The following ADAMTSL1 variants were observed in gnomAD, a reference collection of about 807,000 sequenced individuals.
The protein encoded by ADAMTSL1 is ADAMTS like 1, also known as ADAMTS-like protein 1.
A neutral mutation model predicts 201.8 loss-of-function variants in ADAMTSL1; 126 were observed. The ratio of observed to expected loss-of-function variants is 0.62; its 90% CI spans 0.54 to 0.72. ADAMTSL1 has a LOEUF of 0.72. ADAMTSL1 is among the 30% of genes least tolerant of loss of function. The probability of loss-of-function intolerance (pLI) is 0.00; values close to 1 mark genes in which losing one functional copy is unlikely to be tolerated. For synonymous variants in ADAMTSL1, 1,121 were observed against 903.4 expected, an observed-to-expected ratio of 1.24 and a Z score of -4.32; for missense variants, 2,679 against 2,277.8, an observed-to-expected ratio of 1.18 and a Z score of -3.59.
chr9:18,463,431 A>C (rs1475838059), intron 2 of ADAMTSL1, among the ~76,000 whole-genome samples: 1 of 152,210 alleles, frequency 6.6e-6, no homozygotes, highest in Non-Finnish European at 1.5e-5. Flanking sequence ...GGTGTATAGT[A>C]CTGTGGCATT....
At chr9:18,612,195 A>G (rs1825421103) in intron 4 of ADAMTSL1, among the ~76,000 whole-genome samples, 1 of 152,232 alleles carries the variant, frequency 6.6e-6, no homozygotes, top group African/African-American at 2.4e-5. Context: ...GTGAAGGACC[A>G]GAGACATAGC....
At position 18,818,789 on chromosome 9, in the gene ADAMTSL1, CA is replaced by C. The variant is rs1425734756; in HGVS notation, c.3934+1563del. Reference sequence around the variant, plus strand: ...TGGGTGACAGAGCGAGACCCTATCTCAAAAAAAAAAATTAGGATATCTGAAA... The same window carrying C: ...TGGGTGACAGAGCGAGACCCTATCTCAAAAAAAAAATTAGGATATCTGAAA... On this transcript the variant is annotated intron_variant, in intron 21 of 28. Coordinates refer to ENST00000380548, the MANE Select transcript of ADAMTSL1 (RefSeq NM_001040272.6). Among the ~76,000 whole-genome samples the C allele has an allele frequency of 4.9e-4, 72 of 145,646 alleles. 1 individual carries two copies. The East Asian group carries it at 8.6e-3, about 17-fold the overall frequency.
intron 2 of ADAMTSL1, among the ~76,000 whole-genome samples, chr9:18,304,288 C>G (rs1395234892): frequency 1.3e-5 from 2 of 152,006 alleles, no homozygotes; most frequent in East Asian, 3.9e-4. Context: ...ACTTCTTTCA[C>G]TCCTGCCCCT....
At chr9:18,700,704 T>A (rs993243912) in intron 13 of ADAMTSL1, among the ~76,000 whole-genome samples, 2 of 152,188 alleles carry the variant, frequency 1.3e-5, no homozygotes, top group African/African-American at 4.8e-5. Context: ...AATTTTTTGG[T>A]CCTAAATAAC....
chr9:18,879,624 A>T (rs1317110204), intron 23 of ADAMTSL1, among the ~76,000 whole-genome samples: 1 of 151,928 alleles, frequency 6.6e-6, no homozygotes, highest in Non-Finnish European at 1.5e-5. Flanking sequence ...AAACACATAC[A>T]TGCCTTAATT....
chr9:18,569,265 A>T (rs1822142995), intron 3 of ADAMTSL1, among the ~76,000 whole-genome samples: 1 of 152,214 alleles, frequency 6.6e-6, no homozygotes, highest in Non-Finnish European at 1.5e-5. Flanking sequence ...GGACTTTATG[A>T]ATTATAATGG....
chr9:18,598,088 A>G (rs1462200964), intron 4 of ADAMTSL1, among the ~76,000 whole-genome samples: 2 of 152,208 alleles, frequency 1.3e-5, no homozygotes, highest in South Asian at 2.1e-4. Flanking sequence ...ATGGCAAGCA[A>G]TGATCTGTGT....
chr9:18,905,911 C>G lies in ADAMTSL1; in HGVS notation c.4961+20C>G. On this transcript the variant is annotated intron_variant, in intron 27 of 28. Transcript: ENST00000380548. ...TCCGAGGTAAGAGAAAGCCCTGAAT[C>G]TCCTTTTCCCAGCCCCATGTCAACA... 1 of 1,570,074 alleles carries G rather than the reference C, an allele frequency of 6.4e-7. No individual in the cohort carries two copies. The highest frequency in any genetic ancestry group is 8.7e-7 in the Non-Finnish European group (1 of 1,148,174).
intron 2 of ADAMTSL1, among the ~76,000 whole-genome samples, chr9:18,316,937 T>C (rs1028638102): frequency 6.6e-6 from 1 of 152,180 alleles, no homozygotes; most frequent in African/African-American, 2.4e-5. Context: ...TCCATATTTA[T>C]TGCAGCGTTA....
At chr9:17,979,578 T>A (rs1336244593) in intron 1 of ADAMTSL1, among the ~76,000 whole-genome samples, 1 of 152,020 alleles carries the variant, frequency 6.6e-6, no homozygotes, top group Non-Finnish European at 1.5e-5. Context: ...TTTTTTCATG[T>A]ATTGGTACTG....
chr9:18,563,309 A>G (rs1250462150), intron 3 of ADAMTSL1, among the ~76,000 whole-genome samples: 1 of 152,214 alleles, frequency 6.6e-6, no homozygotes, highest in Non-Finnish European at 1.5e-5. Context: ...GGTCCACTCC[A>G]GACCCTGTTT....
chr9:18,058,344 G>C (rs1822289444), intron 1 of ADAMTSL1, among the ~76,000 whole-genome samples: 1 of 152,160 alleles, frequency 6.6e-6, no homozygotes, highest in African/African-American at 2.4e-5. Context: ...ACCAAGAGAA[G>C]AGACCAGATG....
intron 2 of ADAMTSL1, among the ~76,000 whole-genome samples, chr9:18,518,196 C>T (rs371895087): frequency 1.8e-4 from 27 of 152,128 alleles, no homozygotes; most frequent in Admixed American, 8.5e-4. Context: ...ATGTTTATTA[C>T]ATGGGTATAT....
At chr9:18,502,516 T>G (rs1267113677) in intron 1 of ADAMTSL1, among the ~76,000 whole-genome samples, 1 of 152,208 alleles carries the variant, frequency 6.6e-6, no homozygotes, top group Non-Finnish European at 1.5e-5. Context: ...CATACATCAT[T>G]GGCAAAGAGT....
chr9:18,801,853 G>A (rs1045638417), intron 20 of ADAMTSL1, among the ~76,000 whole-genome samples: 2 of 152,134 alleles, frequency 1.3e-5, no homozygotes, highest in Non-Finnish European at 2.9e-5. Flanking sequence ...CTTTATGATA[G>A]AATGATTTTA....
At position 18,575,792 on chromosome 9, in the gene ADAMTSL1, G is replaced by C. The variant is rs79877934; in HGVS notation, c.474+1526G>C. Reference sequence around the variant, plus strand: ...TGTATGTTTGGTCATGCCAGAAATGGGACTAAATTCCACATCTCCTGAGAT... The same window carrying C: ...TGTATGTTTGGTCATGCCAGAAATGCGACTAAATTCCACATCTCCTGAGAT... On this transcript the variant is annotated intron_variant, in intron 4 of 28. Coordinates refer to ENST00000380548, the MANE Select transcript of ADAMTSL1 (RefSeq NM_001040272.6). Among the ~76,000 whole-genome samples, 5 of 152,200 alleles carry C rather than the reference G, an allele frequency of 3.3e-5. No homozygotes were observed. In the East Asian group the frequency reaches 9.7e-4, roughly 29 times the overall value.
intron 1 of ADAMTSL1, among the ~76,000 whole-genome samples, chr9:17,943,287 GCTTAT>G (rs1186321871): frequency 6.6e-6 from 1 of 152,070 alleles, no homozygotes; most frequent in Non-Finnish European, 1.5e-5. Flanking sequence ...ATAAAGAGTA[GCTTAT>G]AAGGGCTTAT....
chr9:18,200,044 A>C (rs1829370966), intron 2 of ADAMTSL1, among the ~76,000 whole-genome samples: 1 of 152,072 alleles, frequency 6.6e-6, no homozygotes, highest in Non-Finnish European at 1.5e-5. Flanking sequence ...AACTTCCCCA[A>C]AGGCATTATT....
chr9:18,076,357 A>G (rs1187247784), intron 1 of ADAMTSL1, among the ~76,000 whole-genome samples: 1 of 152,232 alleles, frequency 6.6e-6, no homozygotes, highest in Non-Finnish European at 1.5e-5. Flanking sequence ...TGAGGTGGAC[A>G]CAGGTAAATA....
Sources: gnomAD v4.1 joint callset for allele counts (sites outside exome capture counted in the v4.1 genomes callset) on GRCh38, gnomAD v4.1.1 for gene constraint, MANE v1.5 for transcripts, NCBI Gene and HGNC (gene_info 2026-07-23, HGNC 2026-07-21) for gene names.